AFG1L: variants seen among roughly 807,000 people sequenced by gnomAD.
AFG1L encodes the protein AFG1-like ATPase.
Under a neutral mutation model 62.2 loss-of-function variants are expected in AFG1L, and 53 were observed. The ratio of observed to expected loss-of-function variants is 0.85; its 90% CI spans 0.68 to 1.07. The LOEUF is 1.07. AFG1L is among the 50% of genes least tolerant of loss of function. AFG1L has a pLI of 0.00. For synonymous variants in AFG1L, 228 were observed against 210.3 expected (o/e 1.08, Z -0.73); for missense variants, 555 against 590.5 (o/e 0.94, Z 0.62).
At chr6:108,460,593 T>C (rs1256794553) in intron 8 of AFG1L, among the ~76,000 whole-genome samples, 1 of 152,170 alleles carries the variant, frequency 6.6e-6, no homozygotes, top group East Asian at 1.9e-4. Flanking sequence ...TTACATTAAG[T>C]GTTTTCTGTT....
intron 2 of AFG1L, among the ~76,000 whole-genome samples, chr6:108,339,393 G>A (rs1778593265): frequency 6.6e-6 from 1 of 151,676 alleles, no homozygotes; most frequent in Admixed American, 6.6e-5. Flanking sequence ...GCTCATGTTG[G>A]CCTTCCAGGG....
At chr6:108,501,903 G>A (rs1774220634) in intron 10 of AFG1L, among the ~76,000 whole-genome samples, 1 of 152,130 alleles carries the variant, frequency 6.6e-6, no homozygotes, top group Non-Finnish European at 1.5e-5. Flanking sequence ...GTGTGCAATA[G>A]CATTATGTCA....
At chr6:108,327,254 G>A (rs1778081887) in intron 2 of AFG1L, among the ~76,000 whole-genome samples, 1 of 152,178 alleles carries the variant, frequency 6.6e-6, no homozygotes, top group Admixed American at 6.5e-5. Context: ...AGAAAGAAAT[G>A]GAGATTTAGA....
intron 1 of AFG1L, among the ~76,000 whole-genome samples, chr6:108,307,535 T>G (rs1777250650): frequency 6.6e-6 from 1 of 151,950 alleles, no homozygotes; most frequent in Non-Finnish European, 1.5e-5. Context: ...CTCAGTCTCC[T>G]GAGTAACTGA....
At chr6:108,336,524 A>G (rs1228696919) in intron 2 of AFG1L, among the ~76,000 whole-genome samples, 1 of 152,220 alleles carries the variant, frequency 6.6e-6, no homozygotes, top group Non-Finnish European at 1.5e-5. Context: ...ACAAAGGATA[A>G]TATTAAAATC....
At chr6:108,364,965 C>CT (rs1779696086) in intron 5 of AFG1L, among the ~76,000 whole-genome samples, 1 of 151,450 alleles carries the variant, frequency 6.6e-6, no homozygotes, top group African/African-American at 2.4e-5. Flanking sequence ...TGATTTAGAC[C>CT]TGTGCAACCC....
At chr6:108,328,342 G>T (rs1021881187) in intron 2 of AFG1L, among the ~76,000 whole-genome samples, 1 of 152,248 alleles carries the variant, frequency 6.6e-6, no homozygotes, top group East Asian at 1.9e-4. Context: ...TTGCTTTCCT[G>T]AATTTTACAT....
chr6:108,516,399 A>G (rs1774895373), intron 11 of AFG1L, among the ~76,000 whole-genome samples: 1 of 152,170 alleles, frequency 6.6e-6, no homozygotes, highest in Non-Finnish European at 1.5e-5. Flanking sequence ...AAAGACAAAA[A>G]CCACATGATT....
chr6:108,446,051 T>TACACACACACACACACACAC (rs67384163), intron 7 of AFG1L, among the ~76,000 whole-genome samples: 4 of 141,794 alleles, frequency 2.8e-5, no homozygotes, highest in African/African-American at 1.1e-4. Flanking sequence ...TATGTAGAGA[T>TACACACACACACACACACAC]ACACACACAC....
intron 2 of AFG1L, among the ~76,000 whole-genome samples, chr6:108,325,004 T>C (rs1777983179): frequency 6.6e-6 from 1 of 152,182 alleles, no homozygotes; most frequent in Non-Finnish European, 1.5e-5. Context: ...GGGACATTTC[T>C]TATTGGGTCA....
chr6:108,325,062 C>T (rs994863804), intron 2 of AFG1L, among the ~76,000 whole-genome samples: 5 of 152,144 alleles, frequency 3.3e-5, no homozygotes, highest in Admixed American at 6.6e-5. Flanking sequence ...CATCTCCTTT[C>T]GCCACCCCTT....
At chr6:108,326,170 A>G (rs1778034514) in intron 2 of AFG1L, among the ~76,000 whole-genome samples, 1 of 152,082 alleles carries the variant, frequency 6.6e-6, no homozygotes, top group African/African-American at 2.4e-5. Flanking sequence ...TCCTGGGCCC[A>G]AGTGATTCTC....
At chr6:108,349,869 A>G (rs1195193152) in intron 3 of AFG1L, among the ~76,000 whole-genome samples, 1 of 152,066 alleles carries the variant, frequency 6.6e-6, no homozygotes, top group African/African-American at 2.4e-5. Context: ...GTGAGTTGAG[A>G]TTGCACCACT....
At chr6:108,314,091 C>T (rs1252151929) in intron 1 of AFG1L, among the ~76,000 whole-genome samples, 2 of 151,822 alleles carry the variant, frequency 1.3e-5, no homozygotes, top group African/African-American at 2.4e-5. Flanking sequence ...ATTAGCCAGA[C>T]GTGGTGGCGG....
At position 108,510,325 on chromosome 6, in the gene AFG1L, T is replaced by G. The variant is rs1774595635; in HGVS notation, c.1176T>G (p.Thr392=). Residue 392 remains threonine, a synonymous_variant, in exon 11 of 13, where the codon ACT becomes ACG. Coordinates refer to ENST00000368977, the MANE Select transcript of AFG1L (RefSeq NM_145315.5). ...GGACTCAAGGTCGAAGATTCATAAC[T>G]CTCATCGATAACTTTTATGATCTCA... ...ANRTQGRRFI[T]LIDNFYDLKV... The G allele has an allele frequency of 4.3e-6, 7 of 1,611,016 alleles. No homozygotes were observed. Among genetic ancestry groups the G allele is most frequent in the Non-Finnish European group, 5.9e-6 (7 of 1,178,994 alleles).
intron 7 of AFG1L, among the ~76,000 whole-genome samples, chr6:108,427,867 CTGGATT>C (rs1243690933): frequency 6.6e-6 from 1 of 152,090 alleles, no homozygotes; most frequent in African/African-American, 2.4e-5. Context: ...TAAAACTTTG[CTGGATT>C]TTGTCATATT....
chr6:108,416,182 C>G (rs541473229), intron 7 of AFG1L, among the ~76,000 whole-genome samples: 1 of 152,338 alleles, frequency 6.6e-6, no homozygotes, highest in African/African-American at 2.4e-5. Flanking sequence ...TGCTCATCAT[C>G]ATTGGCCACG....
chr6:108,510,871 G>A (rs565404240), intron 11 of AFG1L, among the ~76,000 whole-genome samples: 5 of 152,206 alleles, frequency 3.3e-5, no homozygotes, highest in South Asian at 2.1e-4. Context: ...GAGGCCAGGC[G>A]TTCAAGACCA....
At chr6:108,506,865 G>A (rs1024217137) in intron 10 of AFG1L, among the ~76,000 whole-genome samples, 7 of 152,176 alleles carry the variant, frequency 4.6e-5, no homozygotes, top group Non-Finnish European at 8.8e-5. Context: ...GGAGCCAACT[G>A]AATTGTTTTT....
Sources: allele counts gnomAD v4.1 joint callset (sites outside exome capture counted in the v4.1 genomes callset), GRCh38; gene constraint gnomAD v4.1.1; transcripts MANE v1.5; gene names NCBI Gene and HGNC (gene_info 2026-07-23, HGNC 2026-07-21).